Variants in NTRK2 observed in about 807,000 individuals in gnomAD.
The protein encoded by NTRK2 is neurotrophic receptor tyrosine kinase 2.
NTRK2 carries 13 observed loss-of-function variants against 94.5 expected under a neutral mutation model. The observed-to-expected ratio is 0.14, with a 90% CI of 0.09 to 0.22. The LOEUF is 0.22. Among genes scored for constraint, NTRK2 ranks in the 10% least tolerant of loss-of-function variants. The pLI is 1.00. For synonymous variants in NTRK2, 372 were observed against 407.4 expected, an observed-to-expected ratio of 0.91 and a Z score of 1.05; for missense variants, 639 against 1,071.2, an observed-to-expected ratio of 0.60 and a Z score of 5.63.
intron 15 of NTRK2, among the ~76,000 whole-genome samples, chr9:84,938,942 C>T (rs1423010532): frequency 1.3e-5 from 2 of 148,250 alleles, no homozygotes; most frequent in Non-Finnish European, 3.0e-5. Context: ...GTCCCAGCTA[C>T]TTGGTAGGCT....
chr9:84,949,996 C>T (rs1240955570), intron 16 of NTRK2, among the ~76,000 whole-genome samples: 1 of 152,178 alleles, frequency 6.6e-6, no homozygotes, highest in African/African-American at 2.4e-5. Context: ...GGGATTTTGG[C>T]CTCCAGACAC....
intron 12 of NTRK2, among the ~76,000 whole-genome samples, chr9:84,800,690 C>T (rs754508516): frequency 4.6e-4 from 70 of 152,164 alleles, no homozygotes; most frequent in Non-Finnish European, 8.7e-4. Context: ...CTGGCATTTG[C>T]CAGCATTCAG....
At chr9:84,858,762 G>GA (rs1002329800) in intron 12 of NTRK2, among the ~76,000 whole-genome samples, 2 of 151,298 alleles carry the variant, frequency 1.3e-5, no homozygotes, top group African/African-American at 4.9e-5. Context: ...AAATGAGAAT[G>GA]AATAACTACT....
At chr9:84,705,440 T>A (rs1294596815) in intron 4 of NTRK2, among the ~76,000 whole-genome samples, 1 of 152,304 alleles carries the variant, frequency 6.6e-6, no homozygotes, top group South Asian at 2.1e-4. Context: ...TCTTCCTCCA[T>A]TTTGGCTTTT....
At position 85,006,334 on chromosome 9, in the gene NTRK2, T is replaced by C. The variant is rs1442391602; in HGVS notation, c.2173-13872T>C. ...GAGCTCCTACAGGAGGCAGTGGCAA[T>C]GCTGGGGGCTGGTTTGGGGAAGTTA... is the stretch of plus-strand genomic sequence containing the variant. On this transcript the variant is annotated intron_variant, in intron 17 of 18. Transcript: ENST00000277120. 2.6e-5 allele frequency among the ~76,000 whole-genome samples: 4 copies of C among 152,148 alleles called. No individual in the cohort carries two copies. In the East Asian group the frequency reaches 7.7e-4, roughly 29 times the overall value.
intron 15 of NTRK2, among the ~76,000 whole-genome samples, chr9:84,936,261 G>T (rs2078210047): frequency 6.6e-6 from 1 of 152,194 alleles, no homozygotes; most frequent in African/African-American, 2.4e-5. Flanking sequence ...TGTACTTCTT[G>T]CAATACCTTT....
At chr9:84,979,135 T>C (rs1467700115) in intron 17 of NTRK2, among the ~76,000 whole-genome samples, 1 of 152,210 alleles carries the variant, frequency 6.6e-6, no homozygotes, top group Non-Finnish European at 1.5e-5. Flanking sequence ...ATTTTGACTT[T>C]CAAGTCTTAT....
chr9:84,914,770 CT>C (rs2077345001), intron 14 of NTRK2, among the ~76,000 whole-genome samples: 1 of 152,188 alleles, frequency 6.6e-6, no homozygotes, highest in Admixed American at 6.5e-5. Flanking sequence ...TTTCTGGCTT[CT>C]TAAGCTCCAA....
intron 6 of NTRK2, among the ~76,000 whole-genome samples, chr9:84,721,412 G>A (rs1402098150): frequency 6.6e-6 from 1 of 152,044 alleles, no homozygotes; most frequent in East Asian, 1.9e-4. Context: ...TCCTGACCTC[G>A]TGATCCACCC....
chr9:84,750,432 G>C (rs1289551915), intron 11 of NTRK2, among the ~76,000 whole-genome samples: 4 of 152,136 alleles, frequency 2.6e-5, no homozygotes, highest in African/African-American at 9.7e-5. Context: ...AGAAATATTA[G>C]ACAAACAGCA....
chr9:84,912,598 A>G (rs144140382), intron 14 of NTRK2, among the ~76,000 whole-genome samples: 2 of 71,758 alleles, frequency 2.8e-5, no homozygotes, highest in East Asian at 7.4e-4. Flanking sequence ...CCATCTTTCT[A>G]TTTTTGACTT....
At chr9:84,828,375 A>G (rs2073319781) in intron 12 of NTRK2, among the ~76,000 whole-genome samples, 1 of 152,162 alleles carries the variant, frequency 6.6e-6, no homozygotes, top group Admixed American at 6.5e-5. Flanking sequence ...ATCTTTTAGA[A>G]TTTATTTTTA....
chr9:84,937,390 G>A (rs958209454), intron 15 of NTRK2, among the ~76,000 whole-genome samples: 1 of 152,194 alleles, frequency 6.6e-6, no homozygotes, highest in African/African-American at 2.4e-5. Flanking sequence ...ACTCTGGTGT[G>A]AAATCTAAGG....
intron 2 of NTRK2, among the ~76,000 whole-genome samples, chr9:84,683,777 A>T (rs2059538506): frequency 6.6e-6 from 1 of 152,158 alleles, no homozygotes; most frequent in African/African-American, 2.4e-5. Flanking sequence ...TCTCTTCCAC[A>T]ATGGTTGAAC....
At chr9:84,758,792 A>G (rs2065295694) in intron 12 of NTRK2, among the ~76,000 whole-genome samples, 2 of 152,238 alleles carry the variant, frequency 1.3e-5, no homozygotes, top group South Asian at 4.1e-4. Flanking sequence ...TGACATTTTC[A>G]TAGAGATGAA....
intron 12 of NTRK2, among the ~76,000 whole-genome samples, chr9:84,779,945 G>A (rs140724820): frequency 7.9e-4 from 121 of 152,210 alleles, no homozygotes; most frequent in Middle Eastern, 3.4e-3. Context: ...CCACCAACAC[G>A]TCCAGCATTA....
At chr9:84,856,297 TC>T (rs1023393511) in intron 12 of NTRK2, among the ~76,000 whole-genome samples, 1 of 152,328 alleles carries the variant, frequency 6.6e-6, no homozygotes, top group African/African-American at 2.4e-5. Flanking sequence ...GATGGGGCTT[TC>T]TTTTATTAAG....
At chr9:84,941,151 A>G (rs1010550982) in intron 15 of NTRK2, among the ~76,000 whole-genome samples, 6 of 152,206 alleles carry the variant, frequency 3.9e-5, no homozygotes, top group Admixed American at 2.6e-4. Flanking sequence ...TGTCTTTATT[A>G]TCCAGATGTT....
intron 14 of NTRK2, among the ~76,000 whole-genome samples, chr9:84,882,719 T>TGTGTGTGCGCGC (rs761042296): frequency 6.9e-6 from 1 of 145,740 alleles, no homozygotes; most frequent in African/African-American, 2.6e-5. Context: ...TGTGTGTGTG[T>TGTGTGTGCGCGC]GCGCGCGCGC....
Sources: allele counts gnomAD v4.1 joint callset (sites outside exome capture counted in the v4.1 genomes callset), GRCh38; gene constraint gnomAD v4.1.1; transcripts MANE v1.5; gene names NCBI Gene and HGNC (gene_info 2026-07-23, HGNC 2026-07-21).